Variants in NCAM1 observed in about 807,000 individuals in gnomAD.
NCAM1 encodes neural cell adhesion molecule 1, also known as antigen recognized by monoclonal antibody 5.1H11.
A neutral mutation model predicts 109.8 loss-of-function variants in NCAM1; 14 were observed. The ratio of observed to expected loss-of-function variants is 0.13; its 90% CI spans 0.08 to 0.20. The LOEUF is 0.20. Ranked by LOEUF, NCAM1 falls within the 10% of genes least tolerant of loss-of-function variation. The pLI is 1.00. For synonymous variants in NCAM1, 418 were observed against 442.9 expected, an observed-to-expected ratio of 0.94 and a Z score of 0.70; for missense variants, 774 against 1,109.9, an observed-to-expected ratio of 0.70 and a Z score of 4.30.
At chr11:113,263,979 C>G (rs1160515975) in intron 17 of NCAM1, 3 of 985,284 alleles carry the variant, frequency 3.0e-6, no homozygotes, top group African/African-American at 1.7e-5. Context: ...TTTCTAAACT[C>G]TCCTGAAAAT....
intron 1 of NCAM1, among the ~76,000 whole-genome samples, chr11:113,176,339 G>T (rs1291680913): frequency 6.6e-6 from 1 of 152,232 alleles, no homozygotes; most frequent in Non-Finnish European, 1.5e-5. Context: ...GTATGGTAAA[G>T]ATGGCTTATG....
chr11:113,079,436 C>A lies in NCAM1; in HGVS notation c.52+117772C>A, dbSNP rs1938687377. Among the ~76,000 whole-genome samples, 3 of 152,136 alleles carry A rather than the reference C, an allele frequency of 2.0e-5. No homozygotes were observed. In the South Asian group the frequency reaches 6.2e-4, roughly 32 times the overall value. ...TCTGTCCCAGCTTTTATAAGCCTCCCTGGTTTTCTCCCAAAGGAACTGGGT... is the reference window on the plus strand; with the variant it reads ...TCTGTCCCAGCTTTTATAAGCCTCCATGGTTTTCTCCCAAAGGAACTGGGT... On this transcript the variant is annotated intron_variant, in intron 1 of 19. Coordinates refer to ENST00000316851, the MANE Select transcript of NCAM1 (RefSeq NM_181351.5).
At chr11:113,061,982 C>A (rs1937674771) in intron 1 of NCAM1, among the ~76,000 whole-genome samples, 1 of 152,152 alleles carries the variant, frequency 6.6e-6, no homozygotes, top group South Asian at 2.1e-4. Flanking sequence ...CTGTCACATC[C>A]AGAAAATGTG....
intron 2 of NCAM1, among the ~76,000 whole-genome samples, chr11:113,203,767 A>G (rs1464768718): frequency 6.6e-6 from 1 of 152,244 alleles, no homozygotes; most frequent in Non-Finnish European, 1.5e-5. Context: ...ATGTGGCTGG[A>G]AAAAATGAAA....
chr11:113,130,597 A>G (rs576915560), intron 1 of NCAM1: 1 of 152,294 alleles, frequency 6.6e-6, no homozygotes, highest in East Asian at 1.9e-4. Context: ...GGCTGTAGAT[A>G]CCTTTGTGAC....
chr11:113,232,229 A>G lies in NCAM1; in HGVS notation c.1300A>G (p.Ile434Val). ...VYTWEGNQVN[I>V]TCEVFAYPSA... ...CACTTGGGAGGGGAACCAGGTGAAC[A>G]TCACCTGCGAGGTATTTGCCTATCC... The change falls in exon 11 of 20, where the codon ATC becomes GTC. Residue 434 changes from isoleucine (I) to valine (V), a missense_variant. Physicochemically the swap from Ile to Val is conservative, Grantham distance 29. Coordinates refer to ENST00000316851, the MANE Select transcript of NCAM1 (RefSeq NM_181351.5). 6.2e-7 allele frequency: 1 copy of G among 1,613,790 alleles called. No individual in the cohort carries two copies. Among genetic ancestry groups the G allele is most frequent in the Non-Finnish European group, 8.5e-7 (1 of 1,179,802 alleles).
In NCAM1 at chr11:113,232,786, G is replaced by T. The variant is rs1945048868; in HGVS notation, c.1494G>T (p.Glu498Asp). The change falls in exon 12 of 20, where the codon GAG becomes GAT. Residue 498 changes from glutamate (E) to aspartate (D), a missense_variant. This residue lies in a region of NCAM1 where 523 missense variants were observed against 784.2 expected (regional missense o/e 0.67). Coordinates refer to ENST00000316851, the MANE Select transcript of NCAM1 (RefSeq NM_181351.5). ...NCTAVNRIGQ[E>D]SLEFILVQAD... ...CTGCAGTGAACCGCATTGGGCAGGA[G>T]TCCTTGGAATTCATCCTTGTTCAAG... 1 of 1,613,824 alleles carries T rather than the reference G, an allele frequency of 6.2e-7. No individual in the cohort carries two copies. The highest frequency in any genetic ancestry group is 1.7e-5 in the Admixed American group (1 of 60,010).
intron 16 of NCAM1, among the ~76,000 whole-genome samples, chr11:113,256,879 C>T (rs1945848030): frequency 6.6e-6 from 1 of 152,188 alleles, no homozygotes; most frequent in Non-Finnish European, 1.5e-5. Flanking sequence ...AAGAATGAAC[C>T]AGGGAGCAGT....
intron 1 of NCAM1, among the ~76,000 whole-genome samples, chr11:113,186,289 T>C (rs4648322): frequency 0.82 from 125,343 of 152,082 alleles, 51,896 homozygotes; most frequent in African/African-American, 0.89. Flanking sequence ...CTCATAGAAG[T>C]GCGTGCGAGG....
chr11:113,189,169 C>T (rs1228787036), intron 1 of NCAM1, among the ~76,000 whole-genome samples: 1 of 151,978 alleles, frequency 6.6e-6, no homozygotes, highest in South Asian at 2.1e-4. Context: ...AGCATAGCCT[C>T]GGCCGGGCAC....
intron 1 of NCAM1, among the ~76,000 whole-genome samples, chr11:112,979,942 A>G (rs1951109136): frequency 6.6e-6 from 1 of 151,804 alleles, no homozygotes; most frequent in Non-Finnish European, 1.5e-5. Flanking sequence ...TAAATTCAGA[A>G]AACACACTTG....
intron 1 of NCAM1, among the ~76,000 whole-genome samples, chr11:113,109,353 A>C (rs1207293941): frequency 2.0e-5 from 3 of 149,964 alleles, no homozygotes; most frequent in Non-Finnish European, 4.4e-5. Context: ...GTCTCAAAAA[A>C]AAGAAAAAAA....
chr11:113,142,360 C>A (rs572168280), intron 1 of NCAM1, among the ~76,000 whole-genome samples: 1 of 152,134 alleles, frequency 6.6e-6, no homozygotes, highest in Non-Finnish European at 1.5e-5. Flanking sequence ...CTAGAGTGAA[C>A]GACAAGATGG....
At chr11:113,090,026 A>G (rs1361521481) in intron 1 of NCAM1, among the ~76,000 whole-genome samples, 2 of 152,206 alleles carry the variant, frequency 1.3e-5, no homozygotes, top group Non-Finnish European at 2.9e-5. Context: ...GTATCCTCAA[A>G]ATTTGTAGGA....
chr11:113,166,322 CA>C (rs1331477082), intron 1 of NCAM1, among the ~76,000 whole-genome samples: 11 of 152,178 alleles, frequency 7.2e-5, no homozygotes, highest in African/African-American at 2.7e-4. Flanking sequence ...AAGGGATTTG[CA>C]GATGAGGGAC....
chr11:113,098,760 G>A (rs1473070957), intron 1 of NCAM1, among the ~76,000 whole-genome samples: 5 of 152,146 alleles, frequency 3.3e-5, no homozygotes, highest in South Asian at 2.1e-4. Flanking sequence ...GAGATGAGGG[G>A]AGCACAGTGC....
intron 1 of NCAM1, among the ~76,000 whole-genome samples, chr11:113,006,773 A>C (rs943337583): frequency 7.2e-5 from 11 of 152,178 alleles, no homozygotes; most frequent in African/African-American, 2.7e-4. Flanking sequence ...GGATCCTGGG[A>C]GTTCCGAGCT....
At chr11:113,256,378 T>G (rs551588236) in intron 16 of NCAM1, among the ~76,000 whole-genome samples, 2 of 152,362 alleles carry the variant, frequency 1.3e-5, no homozygotes, top group East Asian at 1.9e-4. Context: ...GCCAGGCACC[T>G]GCACCTCACT....
chr11:113,210,941 A>G (rs1479519481), intron 7 of NCAM1, among the ~76,000 whole-genome samples: 1 of 152,096 alleles, frequency 6.6e-6, no homozygotes, highest in Non-Finnish European at 1.5e-5. Flanking sequence ...ATTTGTAGAG[A>G]CTGAGTCCAC....
Sources: gnomAD v4.1 joint callset for allele counts (sites outside exome capture counted in the v4.1 genomes callset) on GRCh38, gnomAD v4.1.1 for gene constraint, gnomAD v4.1.1 regional missense constraint, MANE v1.5 for transcripts, NCBI Gene and HGNC (gene_info 2026-07-23, HGNC 2026-07-21) for gene names.